The following LNX1 variants were observed in gnomAD, a reference collection of about 807,000 sequenced individuals.
The protein encoded by LNX1 is ligand of numb-protein X 1, also known as E3 ubiquitin-protein ligase LNX.
LNX1 carries 54 observed loss-of-function variants against 68.4 expected under a neutral mutation model. The observed-to-expected ratio is 0.79, with a 90% CI of 0.63 to 0.99. The LOEUF (loss-of-function observed/expected upper bound fraction) is 0.99, where lower values mean the gene tolerates loss of function less well. Ranked by LOEUF, LNX1 falls within the 50% of genes least tolerant of loss-of-function variation. The probability of loss-of-function intolerance (pLI) is 0.00; values close to 1 mark genes in which losing one functional copy is unlikely to be tolerated. For synonymous variants in LNX1, 336 were observed against 350.0 expected (o/e 0.96, Z 0.45); for missense variants, 906 against 926.4 (o/e 0.98, Z 0.29).
chr4:53,596,148 A>G (rs1732742492), upstream of LNX1, among the ~76,000 whole-genome samples: 1 of 152,210 alleles, frequency 6.6e-6, no homozygotes. Context: ...CAGAAGGGCA[A>G]TTATGGGAAA....
chr4:53,564,871 C>T (rs1436421454), intron 2 of LNX1, among the ~76,000 whole-genome samples: 1 of 152,218 alleles, frequency 6.6e-6, no homozygotes, highest in African/African-American at 2.4e-5. Flanking sequence ...CTTTCCTAAT[C>T]AAAGAAAGGG....
At chr4:53,524,786 A>T (rs983424276) in intron 2 of LNX1, among the ~76,000 whole-genome samples, 1 of 152,208 alleles carries the variant, frequency 6.6e-6, no homozygotes, top group Non-Finnish European at 1.5e-5. Context: ...GGAATTTAAC[A>T]TCCAGCTACT....
At chr4:53,595,727 G>T (rs1317610282), upstream of LNX1, among the ~76,000 whole-genome samples, 2 of 152,150 alleles carry the variant, frequency 1.3e-5, no homozygotes, top group Non-Finnish European at 2.9e-5. Flanking sequence ...TCTAAGGGGG[G>T]AAGGAGGTCT....
intron 2 of LNX1, chr4:53,603,077 T>C (rs1405785441): frequency 6.6e-6 from 1 of 152,186 alleles, no homozygotes; most frequent in Non-Finnish European, 1.5e-5. Context: ...AAATCAATGC[T>C]CAGATTGGCA....
chr4:53,605,451 C>T (rs1733189942), intron 2 of LNX1, among the ~76,000 whole-genome samples: 2 of 151,954 alleles, frequency 1.3e-5, no homozygotes, highest in African/African-American at 4.8e-5. Flanking sequence ...GGGTAAAGTA[C>T]CTAAATATGT....
In LNX1 at chr4:53,520,342, C is replaced by T. The variant is rs991401377; in HGVS notation, c.381-12115G>A. ...AGTGCTGCTCCCTGGAGTGACAACT[C>T]AGAATTCCAAAGCCACAACCAGATG... is the stretch of plus-strand genomic sequence containing the variant. On this transcript the variant is annotated intron_variant, in intron 2 of 10. Coordinates refer to ENST00000263925, the MANE Select transcript of LNX1 (RefSeq NM_001126328.3). 9.2e-4 allele frequency among the ~76,000 whole-genome samples: 140 copies of T among 152,202 alleles called. 1 individual carries two copies. The highest frequency in any genetic ancestry group is 9.0e-3 in the Admixed American group (138 of 15,278).
intron 2 of LNX1, among the ~76,000 whole-genome samples, chr4:53,556,647 AT>A (rs780755378): frequency 6.6e-6 from 1 of 152,230 alleles, no homozygotes; most frequent in Non-Finnish European, 1.5e-5. Context: ...CATGATTCAG[AT>A]TTAAGCTAGA....
chr4:53,460,824 T>TA lies in LNX1; in HGVS notation c.*82dup. The TA allele has an allele frequency of 7.7e-7, 1 of 1,306,456 alleles. No individual in the cohort carries two copies. Among genetic ancestry groups the TA allele is most frequent in the Non-Finnish European group, 1.1e-6 (1 of 943,582 alleles). 80.9% of individuals were successfully genotyped at this position (1,306,456 alleles called of 1,614,324 possible). A position where few individuals can be genotyped will look rare whatever the true frequency, so the allele number is the denominator to read the frequency against. ...TTACAATGTATTCTTTCTTTAAATA[T>TA]AAAAACTGACAAGATAAATATAGTG... On this transcript the variant is annotated 3_prime_UTR_variant, in exon 11 of 11. Transcript: ENST00000263925.
chr4:53,563,161 G>A (rs1387816493), intron 2 of LNX1, among the ~76,000 whole-genome samples: 1 of 152,056 alleles, frequency 6.6e-6, no homozygotes, highest in Admixed American at 6.5e-5. Flanking sequence ...AGCTGAGATC[G>A]TGCCAGCCTG....
chr4:53,627,190 G>A (rs1262851134), intron 1 of LNX1, among the ~76,000 whole-genome samples: 1 of 152,164 alleles, frequency 6.6e-6, no homozygotes, highest in Non-Finnish European at 1.5e-5. Flanking sequence ...AAGCGTAGCT[G>A]GCTTAATGAG....
At chr4:53,557,491 G>A (rs2109726696) in intron 2 of LNX1, among the ~76,000 whole-genome samples, 1 of 152,084 alleles carries the variant, frequency 6.6e-6, no homozygotes, top group South Asian at 2.1e-4. Flanking sequence ...GACGATGCCT[G>A]CTTGCAATTA....
At position 53,498,756 on chromosome 4, in the gene LNX1, A is replaced by T. The variant is rs1324222059; in HGVS notation, c.863T>A (p.Ile288Asn). 6.2e-7 allele frequency: 1 copy of T among 1,613,644 alleles called. No homozygotes were observed. Among genetic ancestry groups the T allele is most frequent in the Non-Finnish European group, 8.5e-7 (1 of 1,179,650 alleles). ...NRVDPSESLS[I>N]RLVGGSETPL... ...GGTTTCGCTACCTCCCACCAGCCTA[A>T]TAGAGAGGCTTTCACTGGGATCTAC... Residue 288 changes from isoleucine (I) to asparagine (N), a missense_variant, in exon 5 of 11, where the codon ATT becomes AAT. Physicochemically the swap from Ile to Asn is moderately radical, Grantham distance 149. Coordinates refer to ENST00000263925, the MANE Select transcript of LNX1 (RefSeq NM_001126328.3).
chr4:53,559,812 T>TA (rs35388102), intron 2 of LNX1, among the ~76,000 whole-genome samples: 19,736 of 132,930 alleles, frequency 0.15, 1,721 homozygotes, highest in African/African-American at 0.28. Context: ...CATGCCTGGC[T>TA]AAAAAAAAAA....
chr4:53,612,433 C>T (rs1733530419), intron 2 of LNX1, among the ~76,000 whole-genome samples: 1 of 152,172 alleles, frequency 6.6e-6, no homozygotes, highest in African/African-American at 2.4e-5. Flanking sequence ...TTTTAGCTTG[C>T]TTCCTTTACT....
intron 2 of LNX1, among the ~76,000 whole-genome samples, chr4:53,596,852 A>AAG (rs1732777191): frequency 6.6e-6 from 1 of 152,156 alleles, no homozygotes; most frequent in African/African-American, 2.4e-5. Context: ...ATCACCCCTT[A>AAG]GATCTTGTTA....
intron 1 of LNX1, among the ~76,000 whole-genome samples, chr4:53,637,106 T>C (rs1356357528): frequency 6.6e-6 from 1 of 152,022 alleles, no homozygotes; most frequent in Non-Finnish European, 1.5e-5. Context: ...CAGAAGCAGT[T>C]TGATGAGAGG....
At chr4:53,604,126 G>A (rs1011710417) in intron 2 of LNX1, 13 of 152,232 alleles carry the variant, frequency 8.5e-5, no homozygotes, top group African/African-American at 2.9e-4. Flanking sequence ...GATGGAGGGT[G>A]ATTTAATCAA....
chr4:53,589,156 T>C (rs1271519153), intron 1 of LNX1, among the ~76,000 whole-genome samples: 1 of 152,152 alleles, frequency 6.6e-6, no homozygotes, highest in Admixed American at 6.5e-5. Flanking sequence ...CAATGACAAC[T>C]GGACATTTCC....
intron 2 of LNX1, among the ~76,000 whole-genome samples, chr4:53,511,748 T>C (rs1261021565): frequency 2.0e-5 from 3 of 152,010 alleles, no homozygotes; most frequent in Non-Finnish European, 4.4e-5. Flanking sequence ...CTAATGAGAG[T>C]TGGAGACGAG....
Sources: allele counts gnomAD v4.1 joint callset (sites outside exome capture counted in the v4.1 genomes callset), GRCh38; gene constraint gnomAD v4.1.1; transcripts MANE v1.5; gene names NCBI Gene and HGNC (gene_info 2026-07-23, HGNC 2026-07-21).